ERO1B: variants seen among roughly 807,000 people sequenced by gnomAD.
ERO1B encodes ERO1-like protein beta.
In ERO1B, 49 loss-of-function variants were observed where a neutral mutation model predicts 75.3. The ratio of observed to expected loss-of-function variants is 0.65; its 90% CI spans 0.52 to 0.83. The LOEUF is 0.83. Among genes scored for constraint, ERO1B ranks in the 40% least tolerant of loss-of-function variants. The probability of loss-of-function intolerance (pLI) is 0.00; values close to 1 mark genes in which losing one functional copy is unlikely to be tolerated. For synonymous variants in ERO1B, 191 were observed against 192.9 expected (o/e 0.99, Z 0.08); for missense variants, 512 against 560.1 (o/e 0.91, Z 0.87).
At chr1:236,238,023 T>C (rs976830300) in intron 6 of ERO1B, among the ~76,000 whole-genome samples, 5 of 152,160 alleles carry the variant, frequency 3.3e-5, no homozygotes, top group Admixed American at 3.3e-4. Flanking sequence ...GTATTTTTAG[T>C]AGAGACGGGG....
intron 2 of ERO1B, among the ~76,000 whole-genome samples, chr1:236,259,413 G>T (rs962643471): frequency 6.6e-6 from 1 of 152,160 alleles, no homozygotes; most frequent in African/African-American, 2.4e-5. Context: ...AATGCAAATG[G>T]ATTAAATTAT....
intron 6 of ERO1B, among the ~76,000 whole-genome samples, chr1:236,238,539 TTA>T (rs770751310): frequency 0.014 from 1,237 of 87,156 alleles, 12 homozygotes; most frequent in Admixed American, 0.038. Flanking sequence ...TTTTTTTTTT[TTA>T]AAAAAAAAAA....
chr1:236,254,871 C>A (rs1008076780), intron 2 of ERO1B, among the ~76,000 whole-genome samples: 8 of 151,814 alleles, frequency 5.3e-5, no homozygotes, highest in African/African-American at 1.9e-4. Context: ...CCTTGGCCTC[C>A]CAAAGTGCTG....
chr1:236,232,741 T>C, intron 9 of ERO1B, 87 bp downstream of exon 9: 2 of 1,265,514 alleles, frequency 1.6e-6, no homozygotes, highest in South Asian at 3.1e-5. Flanking sequence ...ATACTTTCTT[T>C]TGAATTCCAT....
intron 13 of ERO1B, among the ~76,000 whole-genome samples, chr1:236,222,607 T>C (rs911611473): frequency 1.3e-5 from 2 of 152,264 alleles, no homozygotes; most frequent in African/African-American, 4.8e-5. Flanking sequence ...ACATGGTCTT[T>C]ACTTTTAAGG....
At chr1:236,274,844 T>C (rs969756357) in intron 1 of ERO1B, among the ~76,000 whole-genome samples, 5 of 151,942 alleles carry the variant, frequency 3.3e-5, no homozygotes, top group East Asian at 1.9e-4. Flanking sequence ...GAATGTCAGA[T>C]GGTAATAAAG....
rs748496400 is a variant in ERO1B, at chr1:236,226,498, T to C, written c.823A>G (p.Ser275Gly). ...AATTCTTTAATATTAGGTCCCCAAC[T>C]GGGCTTACCCCAGGTTTCTAAAGAG... ...YLLEETWGKP[S>G]WGPNIKEFKH... is the part of the protein sequence containing the mutation. Residue 275 changes from serine to glycine, a missense_variant, in exon 12 of 16, where the codon AGT becomes GGT. Transcript: ENST00000354619. 1.2e-5 allele frequency: 19 copies of C among 1,612,696 alleles called. No homozygotes were observed. The highest frequency in any genetic ancestry group is 1.5e-5 in the Non-Finnish European group (18 of 1,179,736).
At chr1:236,260,860 C>T (rs2812470) in intron 2 of ERO1B, among the ~76,000 whole-genome samples, 47,865 of 151,290 alleles carry the variant, frequency 0.32, 8,187 homozygotes, top group East Asian at 0.78. Flanking sequence ...AAAAAATAAA[C>T]AAAGGAAACT....
chr1:236,254,901 C>T (rs1248839517), intron 2 of ERO1B, among the ~76,000 whole-genome samples: 2 of 151,806 alleles, frequency 1.3e-5, no homozygotes, highest in Admixed American at 6.6e-5. Flanking sequence ...GCATGAACCA[C>T]CGTGCCTGGC....
chr1:236,225,242 A>G, intron 12 of ERO1B, 103 bp from the exon 13 acceptor site: 1 of 1,071,568 alleles, frequency 9.3e-7, no homozygotes, highest in Non-Finnish European at 1.4e-6. Flanking sequence ...TTTAAAATTC[A>G]TTATTTACTC....
intron 1 of ERO1B, among the ~76,000 whole-genome samples, chr1:236,271,870 A>G (rs1336357337): frequency 6.6e-6 from 1 of 151,988 alleles, no homozygotes; most frequent in African/African-American, 2.4e-5. Flanking sequence ...TAAATTGTTG[A>G]CTTTTAGTTT....
chr1:236,237,603 TATA>T (rs1280675623), intron 6 of ERO1B, among the ~76,000 whole-genome samples: 1 of 152,158 alleles, frequency 6.6e-6, no homozygotes, highest in African/African-American at 2.4e-5. Context: ...ATGGCACACG[TATA>T]TTCCTTTATT....
At chr1:236,248,606 GA>G (rs1391477126) in intron 5 of ERO1B, among the ~76,000 whole-genome samples, 3 of 152,032 alleles carry the variant, frequency 2.0e-5, no homozygotes, top group Admixed American at 6.6e-5. Flanking sequence ...GACAGATCTA[GA>G]AAGCAAAATG....
chr1:236,279,265 G>A (rs1387826981), intron 1 of ERO1B, among the ~76,000 whole-genome samples: 1 of 151,878 alleles, frequency 6.6e-6, no homozygotes, highest in African/African-American at 2.4e-5. Flanking sequence ...CACTTTGGGA[G>A]GCCAAGGCGG....
At position 236,220,765 on chromosome 1, in the gene ERO1B, G is replaced by A. The variant is rs1254983626; in HGVS notation, c.1343+67C>T. On this transcript the variant is annotated intron_variant, in intron 15 of 15. Coordinates refer to ENST00000354619, the MANE Select transcript of ERO1B (RefSeq NM_019891.4). ...AACAAACCCTACTTTTAGCAAAGAA[G>A]ATTATCTTTGCAGTTTGTTGAAACC... 25 of 1,407,320 alleles carry A rather than the reference G, an allele frequency of 1.8e-5. No individual in the cohort carries two copies. In the Admixed American group the frequency reaches 6.7e-4, roughly 38 times the overall value. 87.2% of individuals were successfully genotyped at this position (1,407,320 alleles called of 1,614,324 possible). A position where few individuals can be genotyped will look rare whatever the true frequency, so the allele number is the denominator to read the frequency against.
chr1:236,226,540 C>T, intron 11 of ERO1B, 25 bp from the exon 12 acceptor site: 1 of 1,602,828 alleles, frequency 6.2e-7, no homozygotes. Context: ...AAATACATTA[C>T]ATTGTTTTAG....
intron 1 of ERO1B, 68 bp from the exon 2 acceptor site, chr1:236,270,062 T>C: frequency 1.8e-6 from 2 of 1,102,868 alleles, no homozygotes; most frequent in Non-Finnish European, 1.3e-6. Context: ...TACACTATTA[T>C]ATAAAAATGT....
intron 1 of ERO1B, among the ~76,000 whole-genome samples, chr1:236,274,175 C>A (rs549354621): frequency 6.6e-6 from 1 of 151,686 alleles, no homozygotes; most frequent in Non-Finnish European, 1.5e-5. Flanking sequence ...GTAGAGACAG[C>A]GTTTCACCAT....
intron 2 of ERO1B, among the ~76,000 whole-genome samples, chr1:236,254,356 A>T (rs1665109574): frequency 6.6e-6 from 1 of 152,118 alleles, no homozygotes; most frequent in African/African-American, 2.4e-5. Flanking sequence ...CTATTGCAAT[A>T]GTCTCCCTGC....
Sources: gnomAD v4.1 joint callset for allele counts (sites outside exome capture counted in the v4.1 genomes callset) on GRCh38, gnomAD v4.1.1 for gene constraint, MANE v1.5 for transcripts, NCBI Gene and HGNC (gene_info 2026-07-23, HGNC 2026-07-21) for gene names.